Variants in TMEFF2 observed in about 807,000 individuals in gnomAD.
The protein encoded by TMEFF2 is transmembrane protein with EGF like and two follistatin like domains 2.
In TMEFF2, 28 loss-of-function variants were observed where a neutral mutation model predicts 53.8. The observed-to-expected ratio is 0.52, with a 90% confidence interval of 0.39 to 0.71. TMEFF2 has a LOEUF of 0.71. TMEFF2 is among the 30% of genes least tolerant of loss of function. The pLI, the probability that TMEFF2 is intolerant of heterozygous loss-of-function variation, is 0.00. For synonymous variants in TMEFF2, 162 were observed against 166.3 expected (o/e 0.97, Z 0.20); for missense variants, 353 against 455.2 (o/e 0.78, Z 2.04).
At chr2:192,048,641 T>C (rs920310476) in intron 5 of TMEFF2, among the ~76,000 whole-genome samples, 3 of 152,216 alleles carry the variant, frequency 2.0e-5, no homozygotes, top group African/African-American at 7.2e-5. Context: ...TCTACTAAGA[T>C]ACAGATTAAA....
At chr2:192,024,130 T>A (rs1056504844) in intron 5 of TMEFF2, among the ~76,000 whole-genome samples, 10 of 152,190 alleles carry the variant, frequency 6.6e-5, no homozygotes, top group African/African-American at 2.4e-4. Context: ...TGAATGTATT[T>A]CCCATAGATG....
intron 4 of TMEFF2, among the ~76,000 whole-genome samples, chr2:192,110,478 C>A (rs13413029): frequency 0.31 from 47,462 of 152,034 alleles, 11,459 homozygotes; most frequent in African/African-American, 0.66. Flanking sequence ...TTTTGAATAA[C>A]ACTCCAACTG....
Position 191,993,455 on chromosome 2 carries a change from A to C in TMEFF2, c.745+4807T>G, listed in dbSNP as rs143746788. On this transcript the variant is annotated intron_variant, in intron 7 of 9. Coordinates refer to ENST00000272771, the MANE Select transcript of TMEFF2 (RefSeq NM_016192.4). ...GACGCAGGCCTGTAGCTAGACTCAG[A>C]GATAGGGAGGCCCTGTCTCCCCTCC... is the stretch of plus-strand genomic sequence containing the variant. 4.4e-3 allele frequency among the ~76,000 whole-genome samples: 668 copies of C among 152,134 alleles called. 5 individuals are homozygous for C. The highest frequency in any genetic ancestry group is 0.015 in the African/African-American group (639 of 41,526).
intron 4 of TMEFF2, among the ~76,000 whole-genome samples, chr2:192,146,970 C>T (rs1252171764): frequency 1.3e-5 from 2 of 152,056 alleles, no homozygotes; most frequent in African/African-American, 4.8e-5. Flanking sequence ...TTCAAGACTT[C>T]ATACACAGCT....
chr2:192,060,657 C>T (rs1688022598), intron 4 of TMEFF2, among the ~76,000 whole-genome samples: 1 of 152,172 alleles, frequency 6.6e-6, no homozygotes. Context: ...ACATGTTACA[C>T]TCTCAGTAAA....
chr2:192,116,385 T>A (rs1014965409), intron 4 of TMEFF2, among the ~76,000 whole-genome samples: 1 of 151,940 alleles, frequency 6.6e-6, no homozygotes, highest in Non-Finnish European at 1.5e-5. Context: ...ATAAGATGAA[T>A]AAGTTCTAGA....
chr2:191,980,966 GC>G (rs1685839019), intron 7 of TMEFF2, among the ~76,000 whole-genome samples: 1 of 151,820 alleles, frequency 6.6e-6, no homozygotes, highest in Non-Finnish European at 1.5e-5. Flanking sequence ...TCTCTCTGTT[GC>G]TACCATCATC....
intron 4 of TMEFF2, among the ~76,000 whole-genome samples, chr2:192,114,925 AATGTAT>A (rs962947446): frequency 2.0e-5 from 3 of 152,028 alleles, no homozygotes; most frequent in African/African-American, 2.4e-5. Flanking sequence ...AACATCAAAC[AATGTAT>A]ATGTATATCA....
At chr2:192,129,516 T>C (rs1477643503) in intron 4 of TMEFF2, among the ~76,000 whole-genome samples, 1 of 152,184 alleles carries the variant, frequency 6.6e-6, no homozygotes, top group Admixed American at 6.5e-5. Flanking sequence ...AAATTCCCCA[T>C]GCAGTGGAAC....
chr2:192,063,980 T>TA (rs35541948), intron 4 of TMEFF2, among the ~76,000 whole-genome samples: 45,418 of 151,320 alleles, frequency 0.3, 7,307 homozygotes, highest in Non-Finnish European at 0.38. Flanking sequence ...GTCTAACTTA[T>TA]AAAAAAAATC....
intron 1 of TMEFF2, 65 bp from the exon 2 acceptor site, chr2:192,192,054 C>A: frequency 8.6e-7 from 1 of 1,163,556 alleles, no homozygotes; most frequent in Non-Finnish European, 1.3e-6. Context: ...AAAAAAAGCA[C>A]TACTTTGAAG....
chr2:191,959,251 CTG>C (rs149963523), intron 7 of TMEFF2, among the ~76,000 whole-genome samples: 2,422 of 152,304 alleles, frequency 0.016, 14 homozygotes, highest in Non-Finnish European at 0.024. Context: ...CTCTTCATGT[CTG>C]TGTTTAAAAT....
intron 4 of TMEFF2, among the ~76,000 whole-genome samples, chr2:192,091,713 C>T (rs1453717609): frequency 6.6e-6 from 1 of 151,440 alleles, no homozygotes. Flanking sequence ...TGCAATTTAT[C>T]TGAAGGAAAA....
intron 5 of TMEFF2, among the ~76,000 whole-genome samples, chr2:192,004,526 G>C (rs1450607850): frequency 6.6e-6 from 1 of 152,152 alleles, no homozygotes; most frequent in Non-Finnish European, 1.5e-5. Flanking sequence ...TATGCCTGTA[G>C]TCCCAGCCAC....
intron 7 of TMEFF2, among the ~76,000 whole-genome samples, chr2:191,982,083 A>C (rs1685865322): frequency 1.3e-5 from 2 of 152,140 alleles, no homozygotes; most frequent in Non-Finnish European, 2.9e-5. Flanking sequence ...GACTACAGCA[A>C]CAACAATTCT....
At chr2:191,988,742 GAC>G (rs1427610292) in intron 7 of TMEFF2, among the ~76,000 whole-genome samples, 3 of 151,804 alleles carry the variant, frequency 2.0e-5, no homozygotes, top group South Asian at 2.1e-4. Context: ...TCTAATCTAT[GAC>G]ACACACAGCT....
chr2:191,994,880 G>A (rs1190219302), intron 7 of TMEFF2, among the ~76,000 whole-genome samples: 1 of 151,908 alleles, frequency 6.6e-6, no homozygotes, highest in East Asian at 1.9e-4. Flanking sequence ...GAGATCCAAA[G>A]CCCTTTATTC....
intron 2 of TMEFF2, among the ~76,000 whole-genome samples, chr2:192,190,617 C>T (rs1244268112): frequency 1.3e-5 from 2 of 152,148 alleles, no homozygotes; most frequent in East Asian, 1.9e-4. Context: ...ACTGTACAGT[C>T]AGAGCACTAC....
At chr2:192,040,204 A>G (rs916251322) in intron 5 of TMEFF2, among the ~76,000 whole-genome samples, 1 of 152,012 alleles carries the variant, frequency 6.6e-6, no homozygotes, top group African/African-American at 2.4e-5. Context: ...TTTCTTTCTC[A>G]CCTTGAATTC....
Sources: allele counts gnomAD v4.1 joint callset (sites outside exome capture counted in the v4.1 genomes callset), GRCh38; gene constraint gnomAD v4.1.1; transcripts MANE v1.5; gene names NCBI Gene and HGNC (gene_info 2026-07-23, HGNC 2026-07-21).